TRANK1: variants seen among roughly 807,000 people sequenced by gnomAD.
TRANK1 encodes the protein tetratricopeptide repeat and ankyrin repeat containing 1, also known as TPR and ankyrin repeat-containing protein 1.
A neutral mutation model predicts 266.0 loss-of-function variants in TRANK1; 198 were observed. That is an observed-to-expected ratio of 0.74 (90% CI 0.66 to 0.84). The LOEUF (loss-of-function observed/expected upper bound fraction) is 0.84, where lower values mean the gene tolerates loss of function less well. Ranked by LOEUF, TRANK1 falls within the 40% of genes least tolerant of loss-of-function variation. The pLI is 0.00. For synonymous variants in TRANK1, 1,396 were observed against 1,384.1 expected (o/e 1.01, Z -0.19); for missense variants, 3,326 against 3,634.6 (o/e 0.92, Z 2.18).
chr3:36,878,082 A>T (rs1291372978), intron 8 of TRANK1, among the ~76,000 whole-genome samples: 1 of 152,176 alleles, frequency 6.6e-6, no homozygotes. Context: ...CGGGCCTCAC[A>T]GTAGGAGGTG....
At chr3:36,881,553 C>T (rs1179863558) in intron 8 of TRANK1, among the ~76,000 whole-genome samples, 4 of 152,118 alleles carry the variant, frequency 2.6e-5, no homozygotes, top group African/African-American at 4.8e-5. Context: ...GCAGAGGCTA[C>T]AGTAAGCCGA....
At position 36,892,982 on chromosome 3, in the gene TRANK1, T is replaced by G. The variant is rs1038948878; in HGVS notation, c.555A>C (p.Ser185=). 3.7e-5 allele frequency: 55 copies of G among 1,506,540 alleles called. No homozygotes were observed. The highest frequency in any genetic ancestry group is 4.6e-5 in the Non-Finnish European group (52 of 1,135,268). The allele number at this position is 1,506,540 out of a possible 1,614,324, so 93.3% of individuals were successfully genotyped here. A position where few individuals can be genotyped will look rare whatever the true frequency, so the allele number is the denominator to read the frequency against. The change falls in exon 6 of 24, where the codon TCA becomes TCC. Residue 185 remains serine, a splice_region_variant and synonymous_variant. Transcript: ENST00000645898. ...EKLAKKGLWH[S]FLLLSAKKDR... is the part of the protein sequence containing the mutation. ...CTTTTTTTGCTGACAGAAGCAGAAA[T>G]GACTGGTGGGAGAAGACAGAAAAGG...
chr3:36,841,879 G>A (rs1402716199), intron 18 of TRANK1, among the ~76,000 whole-genome samples: 4 of 148,236 alleles, frequency 2.7e-5, no homozygotes, highest in African/African-American at 7.7e-5. Flanking sequence ...CCTAAGACCT[G>A]ACTTGTTGTT....
intron 7 of TRANK1, among the ~76,000 whole-genome samples, chr3:36,891,358 T>A (rs1369382671): frequency 2.6e-5 from 4 of 152,110 alleles, no homozygotes; most frequent in African/African-American, 7.2e-5. Context: ...AAAAATCTCT[T>A]ATAAATTCCC....
rs765899913 is a variant in TRANK1, at chr3:36,857,112, C to A, written c.2610G>T (p.Glu870Asp). The A allele has an allele frequency of 6.2e-7, 1 of 1,614,022 alleles. No individual in the cohort carries two copies. The stretch of plus-strand genomic sequence containing the variant: ...GTCGCTTCTGCAGGCCCTGGGTCCA[C>A]TCGCCATTTCCCAGCTGCTGAATGG... The part of the protein sequence containing the change: ...ILAIQQLGNG[E>D]WTQGLQKRLK... Residue 870 changes from glutamate to aspartate, a missense_variant, in exon 13 of 24, where the codon GAG (glutamate) becomes GAT (aspartate). Transcript: ENST00000645898. The surrounding 1 kb of genome is among the most constrained non-coding windows in gnomAD (Gnocchi z 4.3).
chr3:36,828,407 A>G, intron 23 of TRANK1, 32 bp from the exon 24 acceptor site: 1 of 527,162 alleles, frequency 1.9e-6, no homozygotes, highest in East Asian at 6.0e-5. Context: ...GAAGGAAGGA[A>G]GGAAAGAAGG....
At chr3:36,916,078 A>G (rs1017180573) in intron 1 of TRANK1, among the ~76,000 whole-genome samples, 1 of 152,212 alleles carries the variant, frequency 6.6e-6, no homozygotes, top group African/African-American at 2.4e-5. Context: ...CAAATGTTCA[A>G]TTTTATACTA....
chr3:36,931,632 G>T (rs2080361235), intron 1 of TRANK1, among the ~76,000 whole-genome samples: 2 of 152,158 alleles, frequency 1.3e-5, no homozygotes, highest in African/African-American at 2.4e-5. Flanking sequence ...TTGAGCCCAG[G>T]TCAAGGCTGC....
intron 11 of TRANK1, 32 bp from the exon 12 acceptor site, chr3:36,858,926 A>G: frequency 6.6e-7 from 1 of 1,511,480 alleles, no homozygotes; most frequent in Non-Finnish European, 8.8e-7. Flanking sequence ...GCGCAATGTG[A>G]GCAGGCACAG....
At chr3:36,915,417 A>G (rs2080111089) in intron 1 of TRANK1, among the ~76,000 whole-genome samples, 1 of 152,186 alleles carries the variant, frequency 6.6e-6, no homozygotes, top group Non-Finnish European at 1.5e-5. Flanking sequence ...CCTTCTAGCT[A>G]TTTGAACTAT....
Position 36,944,890 on chromosome 3 carries a change from C to T in TRANK1, c.-81G>A. 1.5e-6 allele frequency: 2 copies of T among 1,338,218 alleles called. No individual in the cohort carries two copies. Among genetic ancestry groups the T allele is most frequent in the Middle Eastern group, 2.7e-4 (1 of 3,696 alleles). 82.9% of individuals were successfully genotyped at this position (1,338,218 alleles called of 1,614,324 possible). A position where few individuals can be genotyped will look rare whatever the true frequency, so the allele number is the denominator to read the frequency against. ...TGTGGGCAGGGCGCGGCGGGCAGTG[C>T]GGAAGCCCGAAAGCTACCGGAGCCC... On this transcript the variant is annotated 5_prime_UTR_variant, in exon 1 of 24. Transcript: ENST00000645898.
chr3:36,849,816 A>G (rs1209807651), intron 15 of TRANK1, among the ~76,000 whole-genome samples: 1 of 152,236 alleles, frequency 6.6e-6, no homozygotes, highest in Admixed American at 6.5e-5. Flanking sequence ...GCTTTGGGCC[A>G]GGGAATGCAT....
Position 36,856,379 on chromosome 3 carries a change from G to T in TRANK1, c.3343C>A (p.Leu1115Met). 1 of 1,593,738 alleles carries T rather than the reference G, an allele frequency of 6.3e-7. No homozygotes were observed. The highest frequency in any genetic ancestry group is 8.5e-7 in the Non-Finnish European group (1 of 1,169,972). ...GGTTCCACTTCCAACCTTCTCTTCA[G>T]CCAGACCTGTTTGGCCAGCAATGGG... ...GSPLLAKQVW[L>M]KRRLEVEPGK... is the part of the protein sequence containing the mutation. Residue 1115 changes from leucine to methionine, a missense_variant, in exon 13 of 24, where the codon CTG becomes ATG. By Grantham distance (15) the Leu-to-Met change is conservative. Coordinates refer to ENST00000645898, the MANE Select transcript of TRANK1 (RefSeq NM_001329998.2).
intron 3 of TRANK1, among the ~76,000 whole-genome samples, chr3:36,901,379 C>T (rs182155192): frequency 1.6e-3 from 237 of 152,282 alleles, no homozygotes; most frequent in African/African-American, 5.2e-3. Flanking sequence ...AAGATAGCCC[C>T]TTATCTTCCA....
chr3:36,854,232 C>G, intron 13 of TRANK1, among the ~76,000 whole-genome samples: 1 of 151,912 alleles, frequency 6.6e-6, no homozygotes, highest in Non-Finnish European at 1.5e-5. Context: ...TGGTGGCAGG[C>G]GCCTGTAGTC....
rs1277250051 is a variant in TRANK1, at chr3:36,849,768, C to T, written c.4887+1951G>A. ...TTCCTCTCATCTGCTGACTGACTCCCTTTGGCCTGGAGGTTGTAAATGATA... is the reference window on the plus strand; with the variant it reads ...TTCCTCTCATCTGCTGACTGACTCCTTTTGGCCTGGAGGTTGTAAATGATA... On this transcript the variant is annotated intron_variant, in intron 15 of 23. Transcript: ENST00000645898. Among the ~76,000 whole-genome samples the T allele has an allele frequency of 2.0e-5, 3 of 152,218 alleles. No individual in the cohort carries two copies. The East Asian group carries it at 5.8e-4, about 29-fold the overall frequency.
At chr3:36,876,521 A>C (rs997421023) in intron 8 of TRANK1, among the ~76,000 whole-genome samples, 5 of 152,252 alleles carry the variant, frequency 3.3e-5, no homozygotes, top group African/African-American at 1.2e-4. Flanking sequence ...ACAAATTGGC[A>C]GAAAGTAAGC....
In TRANK1 at chr3:36,861,069, C is replaced by A; in HGVS notation, c.1332G>T (p.Val444=). The change falls in exon 11 of 24, where the codon GTG becomes GTT. Residue 444 remains valine, a synonymous_variant. Coordinates refer to ENST00000645898, the MANE Select transcript of TRANK1 (RefSeq NM_001329998.2). ...TTACTTTGCGGGTCAGCAGCAGAAGCACCTCAGGCCATCTCTGTTTTTCCA... is the reference window on the plus strand; with the variant it reads ...TTACTTTGCGGGTCAGCAGCAGAAGAACCTCAGGCCATCTCTGTTTTTCCA... The part of the protein sequence containing the change: ...FLLEKQRWPE[V]LLLLTRKVSG... The A allele has an allele frequency of 6.5e-7, 1 of 1,537,702 alleles. No homozygotes were observed. The highest frequency in any genetic ancestry group is 8.7e-7 in the Non-Finnish European group (1 of 1,147,000).
intron 3 of TRANK1, among the ~76,000 whole-genome samples, chr3:36,900,381 T>C (rs2079857371): frequency 6.6e-6 from 1 of 152,118 alleles, no homozygotes. Flanking sequence ...AGTTCTACAT[T>C]ATAAGCAATA....
Sources: gnomAD v4.1 joint callset for allele counts (sites outside exome capture counted in the v4.1 genomes callset) on GRCh38, gnomAD v4.1.1 for gene constraint, Gnocchi (gnomAD v3.1) non-coding constraint, MANE v1.5 for transcripts, NCBI Gene and HGNC (gene_info 2026-07-23, HGNC 2026-07-21) for gene names.